TMEM54: variants seen among roughly 807,000 people sequenced by gnomAD.
TMEM54 encodes beta-casein-like protein.
A neutral mutation model predicts 21.3 loss-of-function variants in TMEM54; 21 were observed. That is an observed-to-expected ratio of 0.99 (90% CI 0.70 to 1.42). TMEM54 has a LOEUF of 1.42. TMEM54 is among the 40% of genes most tolerant of loss of function. The probability of loss-of-function intolerance (pLI) is 0.00; values close to 1 mark genes in which losing one functional copy is unlikely to be tolerated. For missense variants in TMEM54, 246 were observed against 294.0 expected, an observed-to-expected ratio of 0.84 and a Z score of 1.19; for synonymous variants, 109 against 125.0, an observed-to-expected ratio of 0.87 and a Z score of 0.86.
Position 32,895,511 on chromosome 1 carries a change from C to T in TMEM54, c.459+44G>A, listed in dbSNP as rs1325264987. On this transcript the variant is annotated intron_variant, in intron 4 of 5. Coordinates refer to ENST00000373463, the MANE Select transcript of TMEM54 (RefSeq NM_033504.4). The surrounding 1 kb of genome is among the most constrained non-coding windows in gnomAD (Gnocchi z 5.8). ...GGTGGATTCCAAGAGCCCTTCCCAC[C>T]CGTGCGAGGGCCTGGTGCCCCTACT... 1 of 1,590,490 alleles carries T rather than the reference C, an allele frequency of 6.3e-7. No homozygotes were observed. The highest frequency in any genetic ancestry group is 8.6e-7 in the Non-Finnish European group (1 of 1,165,874).
At chr1:32,898,564 A>C in intron 1 of TMEM54, 1 of 456,828 alleles carries the variant, frequency 2.2e-6, no homozygotes, top group Non-Finnish European at 3.9e-6. Context: ...TAGCAGTAGC[A>C]CTTGTTAGTG....
At position 32,901,207 on chromosome 1, in the gene TMEM54, G is replaced by A; in HGVS notation, c.16+16C>T. ...TGGGGTGGTTCGGGGCCTCCCGCGC[G>A]CCCCCAGTCGCTCACCGAGGCGCAG... On this transcript the variant is annotated intron_variant, in intron 1 of 5. Coordinates refer to ENST00000373463, the MANE Select transcript of TMEM54 (RefSeq NM_033504.4). The surrounding 1 kb of genome is among the most constrained non-coding windows in gnomAD (Gnocchi z 4.2). 3 of 1,485,556 alleles carry A rather than the reference G, an allele frequency of 2.0e-6. No individual in the cohort carries two copies. Among genetic ancestry groups the A allele is most frequent in the Non-Finnish European group, 2.7e-6 (3 of 1,104,390 alleles). 92.0% of individuals were successfully genotyped at this position (1,485,556 alleles called of 1,614,324 possible). A position where few individuals can be genotyped will look rare whatever the true frequency, so the allele number is the denominator to read the frequency against.
chr1:32,894,717 G>A lies in TMEM54; in HGVS notation c.*88C>T. ...CCCGAGGGTCCATTGAGCCCTCTCAGGCCAGCTCCAGGAATCCTGGCCTGG... is the reference window on the plus strand; with the variant it reads ...CCCGAGGGTCCATTGAGCCCTCTCAAGCCAGCTCCAGGAATCCTGGCCTGG... On this transcript the variant is annotated 3_prime_UTR_variant, in exon 6 of 6. Coordinates refer to ENST00000373463, the MANE Select transcript of TMEM54 (RefSeq NM_033504.4). 6.4e-7 allele frequency: 1 copy of A among 1,555,950 alleles called. No individual in the cohort carries two copies. The highest frequency in any genetic ancestry group is 1.7e-5 in the Admixed American group (1 of 57,302).
At chr1:32,898,995 TG>T (rs1641663784) in intron 1 of TMEM54, among the ~76,000 whole-genome samples, 1 of 152,110 alleles carries the variant, frequency 6.6e-6, no homozygotes, top group Non-Finnish European at 1.5e-5. Context: ...CTGAGGGTAC[TG>T]GGAAAAGCAA....
Position 32,895,908 on chromosome 1 carries a change from A to G in TMEM54, c.270+2T>C. 6.2e-7 allele frequency: 1 copy of G among 1,612,528 alleles called. No individual in the cohort carries two copies. The highest frequency in any genetic ancestry group is 8.5e-7 in the Non-Finnish European group (1 of 1,179,288). The stretch of plus-strand genomic sequence containing the variant: ...AGCCCCATCCCAGGAGGCACCACGT[A>G]CCAGGGGGGTGCTAGGGAGGTAGCG... On this transcript the variant is annotated splice_donor_variant, in intron 3 of 5. Coordinates refer to ENST00000373463, the MANE Select transcript of TMEM54 (RefSeq NM_033504.4). LOFTEE classifies it high-confidence loss of function. This position sits in a 1 kb window ranked among gnomAD's most constrained non-coding sequence, Gnocchi z 5.8.
rs923851096 is a variant in TMEM54 at position 32,897,225 on chromosome 1, C to CA, written c.210+900dup. ...CTTTCTTGCTGGGACCTATGACTCCCATTCTCCCAAGCCTTGAGGCCAGCA... is the reference window on the plus strand; with the variant it reads ...CTTTCTTGCTGGGACCTATGACTCCCAATTCTCCCAAGCCTTGAGGCCAGCA... On this transcript the variant is annotated intron_variant, in intron 2 of 5. Transcript: ENST00000373463. The surrounding 1 kb of genome is among the most constrained non-coding windows in gnomAD (Gnocchi z 4.9). Among the ~76,000 whole-genome samples the CA allele has an allele frequency of 5.9e-5, 9 of 152,232 alleles. No individual in the cohort carries two copies. Among genetic ancestry groups the CA allele is most frequent in the African/African-American group, 2.2e-4 (9 of 41,458 alleles).
rs1641716901 is a variant in TMEM54 at position 32,901,104 on chromosome 1, AAGTT to A, written c.16+115_16+118del. The A allele has an allele frequency of 9.1e-7, 1 of 1,097,902 alleles. No individual in the cohort carries two copies. The highest frequency in any genetic ancestry group is 1.2e-6 in the Non-Finnish European group (1 of 840,122). The allele number at this position is 1,097,902 out of a possible 1,614,324, so 68.0% of individuals were successfully genotyped here. A position where few individuals can be genotyped will look rare whatever the true frequency, so the allele number is the denominator to read the frequency against. ...AGTGACCCGACCCCGGCCTCGTAGT[AAGTT>A]AGAGGCAGAGCAGGTGGCCTGGCCC... On this transcript the variant is annotated intron_variant, in intron 1 of 5. Transcript: ENST00000373463. This position sits in a 1 kb window ranked among gnomAD's most constrained non-coding sequence, Gnocchi z 4.2.
rs967667031 is a variant in TMEM54, at chr1:32,897,192, G to C, written c.210+934C>G. On this transcript the variant is annotated intron_variant, in intron 2 of 5. Transcript: ENST00000373463. This position sits in a 1 kb window ranked among gnomAD's most constrained non-coding sequence, Gnocchi z 4.9. ...CCATCCCAGCCCTGTCCCACCAACA[G>C]AGCCTCTCTTTCTTGCTGGGACCTA... Among the ~76,000 whole-genome samples, 1 of 152,188 alleles carries C rather than the reference G, an allele frequency of 6.6e-6. No individual in the cohort carries two copies. The highest frequency in any genetic ancestry group is 2.4e-5 in the African/African-American group (1 of 41,440).
In TMEM54 at chr1:32,898,133, G is replaced by A. The variant is rs146071771; in HGVS notation, c.203C>T (p.Ala68Val). The part of the protein sequence containing the change: ...CVVNILSVTS[A>V]IVVITSGIAA... The stretch of plus-strand genomic sequence containing the variant: ...CTCCCAGCCTGGCCATACCACGATG[G>A]CGGAAGTGACAGAGAGGATGTTGAC... Residue 68 changes from alanine to valine, a missense_variant, in exon 2 of 6, where the codon GCC becomes GTC. Transcript: ENST00000373463. 328 of 1,593,728 alleles carry A rather than the reference G, an allele frequency of 2.1e-4. 2 individuals are homozygous for A. The African/African-American group carries it at 4.0e-3, about 20-fold the overall frequency.
chr1:32,897,484 T>C lies in TMEM54; in HGVS notation c.210+642A>G, dbSNP rs1349131636. ...ACTGATATCTGGTCACAACCGTGGC[T>C]ACCATTCATTGAGCAGTTGCTACAG... On this transcript the variant is annotated intron_variant, in intron 2 of 5. Coordinates refer to ENST00000373463, the MANE Select transcript of TMEM54 (RefSeq NM_033504.4). This position sits in a 1 kb window ranked among gnomAD's most constrained non-coding sequence, Gnocchi z 4.9. Among the ~76,000 whole-genome samples the C allele has an allele frequency of 6.6e-6, 1 of 152,224 alleles. No individual in the cohort carries two copies. Among genetic ancestry groups the C allele is most frequent in the Non-Finnish European group, 1.5e-5 (1 of 68,044 alleles).
In TMEM54 at chr1:32,894,729, G is replaced by C. The variant is rs1641541073; in HGVS notation, c.*76C>G. ...TTGAGCCCTCTCAGGCCAGCTCCAG[G>C]AATCCTGGCCTGGTCACAGAGCAGA... On this transcript the variant is annotated 3_prime_UTR_variant, in exon 6 of 6. Transcript: ENST00000373463. 1 of 1,565,114 alleles carries C rather than the reference G, an allele frequency of 6.4e-7. No individual in the cohort carries two copies. The highest frequency in any genetic ancestry group is 1.1e-5 in the South Asian group (1 of 87,654).
At position 32,894,672 on chromosome 1, in the gene TMEM54, T is replaced by G. The variant is rs1038800038; in HGVS notation, c.*133A>C. The G allele has an allele frequency of 5.8e-5, 72 of 1,243,724 alleles. 1 individual carries two copies. The highest frequency in any genetic ancestry group is 7.1e-5 in the Non-Finnish European group (63 of 893,414). 77.0% of individuals were successfully genotyped at this position (1,243,724 alleles called of 1,614,324 possible). On this transcript the variant is annotated 3_prime_UTR_variant, in exon 6 of 6. Transcript: ENST00000373463. ...GTGGGCTGGGTGGTGGGGGAGAGGG[T>G]TGAAAGCCCCACTTGGGTCCCCGAG...
chr1:32,900,484 G>A (rs927209479), intron 1 of TMEM54, among the ~76,000 whole-genome samples: 3 of 105,062 alleles, frequency 2.9e-5, no homozygotes, highest in African/African-American at 7.9e-5. Flanking sequence ...GCCTCCCAGA[G>A]TGCTGCCTCC....
Position 32,901,263 on chromosome 1 carries a change from C to T in TMEM54, c.-25G>A, listed in dbSNP as rs759058463. On this transcript the variant is annotated 5_prime_UTR_variant, in exon 1 of 6. Transcript: ENST00000373463. This position sits in a 1 kb window ranked among gnomAD's most constrained non-coding sequence, Gnocchi z 4.2. ...TGTCGGCTCCGCGCTGGTCCCGCCC[C>T]CGGCTTCAGCGCGGCTCCCGAGGCT... The T allele has an allele frequency of 1.3e-5, 18 of 1,404,240 alleles. No individual in the cohort carries two copies. The highest frequency in any genetic ancestry group is 4.4e-5 in the Admixed American group (2 of 45,318). The allele number at this position is 1,404,240 out of a possible 1,614,324, so 87.0% of individuals were successfully genotyped here. A position where few individuals can be genotyped will look rare whatever the true frequency, so the allele number is the denominator to read the frequency against.
rs1641725704 is a variant in TMEM54 at position 32,901,348 on chromosome 1, C to T, written c.-110G>A. Reference sequence around the variant, plus strand: ...GGCCCGTCGCCCGCGCGCCCCGCACCGTCGCGCTCGCCCACTTCCCGCCCG... The same window carrying T: ...GGCCCGTCGCCCGCGCGCCCCGCACTGTCGCGCTCGCCCACTTCCCGCCCG... On this transcript the variant is annotated 5_prime_UTR_variant, in exon 1 of 6. Transcript: ENST00000373463. The surrounding 1 kb of genome is among the most constrained non-coding windows in gnomAD (Gnocchi z 4.2). 7 of 1,073,078 alleles carry T rather than the reference C, an allele frequency of 6.5e-6. No homozygotes were observed. Among genetic ancestry groups the T allele is most frequent in the Non-Finnish European group, 8.2e-6 (7 of 856,044 alleles). The allele number at this position is 1,073,078 out of a possible 1,614,324, so 66.5% of individuals were successfully genotyped here.
At chr1:32,894,937 C>T (rs1641548820) in intron 5 of TMEM54, 58 bp from the exon 6 acceptor site, 1 of 1,586,458 alleles carries the variant, frequency 6.3e-7, no homozygotes, top group South Asian at 1.1e-5. Context: ...TCTCCTCCTC[C>T]AGGACATCCG....
rs1009788539 is a variant in TMEM54 at position 32,896,740 on chromosome 1, C to T, written c.211-771G>A. The stretch of plus-strand genomic sequence containing the variant: ...GTTCCTCACTGGACCAGGCTTGGGC[C>T]GGACCCATCTGAGGCAGGTGGTATG... On this transcript the variant is annotated intron_variant, in intron 2 of 5. Coordinates refer to ENST00000373463, the MANE Select transcript of TMEM54 (RefSeq NM_033504.4). This position sits in a 1 kb window ranked among gnomAD's most constrained non-coding sequence, Gnocchi z 4.1. Among the ~76,000 whole-genome samples, 4 of 152,266 alleles carry T rather than the reference C, an allele frequency of 2.6e-5. No individual in the cohort carries two copies. The highest frequency in any genetic ancestry group is 9.6e-5 in the African/African-American group (4 of 41,474).
Position 32,895,397 on chromosome 1 carries a change from C to A in TMEM54, c.502G>T (p.Val168Leu), listed in dbSNP as rs200142858. 6.3e-5 allele frequency: 101 copies of A among 1,614,022 alleles called. No homozygotes were observed. Among genetic ancestry groups the A allele is most frequent in the Non-Finnish European group, 8.0e-5 (94 of 1,179,940 alleles). Residue 168 changes from valine to leucine, a missense_variant, in exon 5 of 6, where the codon GTG becomes TTG. Physicochemically the swap from Val to Leu is conservative, Grantham distance 32 (BLOSUM62 1). Coordinates refer to ENST00000373463, the MANE Select transcript of TMEM54 (RefSeq NM_033504.4). The surrounding 1 kb of genome is among the most constrained non-coding windows in gnomAD (Gnocchi z 5.8). ...CLWGIALVLC[V>L]AENVFAVRCA... ...CGTACAGCAAACACGTTCTCCGCCACGCAGAGCACTAGGGCGATGCCCCAG... is the reference window on the plus strand; with the variant it reads ...CGTACAGCAAACACGTTCTCCGCCAAGCAGAGCACTAGGGCGATGCCCCAG...
chr1:32,898,146 A>T lies in TMEM54; in HGVS notation c.190T>A (p.Ser64Thr). Residue 64 changes from serine (S) to threonine (T), a missense_variant, in exon 2 of 6, where the codon TCT becomes ACT. Transcript: ENST00000373463. ...ALQYCVVNIL[S>T]VTSAIVVITS... ...CATACCACGATGGCGGAAGTGACAGAGAGGATGTTGACCACGCAGTACTGC... is the reference window on the plus strand; with the variant it reads ...CATACCACGATGGCGGAAGTGACAGTGAGGATGTTGACCACGCAGTACTGC... 1 of 1,598,090 alleles carries T rather than the reference A, an allele frequency of 6.3e-7. No homozygotes were observed. Among genetic ancestry groups the T allele is most frequent in the Non-Finnish European group, 8.6e-7 (1 of 1,166,596 alleles).
Sources: gnomAD v4.1 joint callset for allele counts (sites outside exome capture counted in the v4.1 genomes callset) on GRCh38, gnomAD v4.1.1 for gene constraint, Gnocchi (gnomAD v3.1) non-coding constraint, MANE v1.5 for transcripts, NCBI Gene and HGNC (gene_info 2026-07-23, HGNC 2026-07-21) for gene names.